NEDD9: variants seen among roughly 807,000 people sequenced by gnomAD.
NEDD9 encodes the protein enhancer of filamentation 1.
Under a neutral mutation model 76.6 loss-of-function variants are expected in NEDD9, and 26 were observed. The ratio of observed to expected loss-of-function variants is 0.34; its 90% CI spans 0.25 to 0.47. The LOEUF (loss-of-function observed/expected upper bound fraction) is 0.47, where lower values mean the gene tolerates loss of function less well. Ranked by LOEUF, NEDD9 falls within the 20% of genes least tolerant of loss-of-function variation. The pLI, the probability that NEDD9 is intolerant of heterozygous loss-of-function variation, is 1.00. For missense variants in NEDD9, 937 were observed against 1,058.5 expected, an observed-to-expected ratio of 0.89 and a Z score of 1.59; for synonymous variants, 392 against 414.2, an observed-to-expected ratio of 0.95 and a Z score of 0.65.
At chr6:11,297,132 G>GTTTTTT (rs199939249) in intron 3 of NEDD9, among the ~76,000 whole-genome samples, 1 of 129,298 alleles carries the variant, frequency 7.7e-6, no homozygotes. Context: ...AATTTGTTTT[G>GTTTTTT]TTTTTTTTTT....
intron 1 of NEDD9, among the ~76,000 whole-genome samples, chr6:11,365,657 A>G (rs1193324466): frequency 1.4e-3 from 216 of 152,350 alleles, no homozygotes; most frequent in South Asian, 2.1e-4. Context: ...ACTTAAAAAA[A>G]AGGCTTGATC....
intron 1 of NEDD9, among the ~76,000 whole-genome samples, chr6:11,225,256 T>A (rs1018185310): frequency 3.9e-5 from 6 of 152,246 alleles, no homozygotes; most frequent in African/African-American, 1.4e-4. Flanking sequence ...TAACATTTCA[T>A]GTGAGGGACA....
chr6:11,267,105 C>A (rs1760214527), intron 3 of NEDD9, among the ~76,000 whole-genome samples: 3 of 152,198 alleles, frequency 2.0e-5, no homozygotes, highest in South Asian at 4.1e-4. Flanking sequence ...TTACAAACAT[C>A]CCTCATATGA....
At position 11,188,433 on chromosome 6, in the gene NEDD9, G is replaced by A. The variant is rs1029995729; in HGVS notation, c.1906-126C>T. ...GCCTTGGCAACATCTCAAATGCCCAGTGAGGCACTGTGAACCCTAGACGAC... is the reference window on the plus strand; with the variant it reads ...GCCTTGGCAACATCTCAAATGCCCAATGAGGCACTGTGAACCCTAGACGAC... On this transcript the variant is annotated intron_variant, in intron 5 of 6. Transcript: ENST00000379446. 9 of 810,712 alleles carry A rather than the reference G, an allele frequency of 1.1e-5. No homozygotes were observed. In the South Asian group the frequency reaches 1.4e-4, roughly 12 times the overall value. 50.2% of individuals were successfully genotyped at this position (810,712 alleles called of 1,614,324 possible).
In NEDD9 at chr6:11,184,439, A is replaced by T. The variant is rs1757926410; in HGVS notation, c.*723T>A. 6.6e-6 allele frequency: 1 copy of T among 152,216 alleles called. No homozygotes were observed. The highest frequency in any genetic ancestry group is 1.5e-5 in the Non-Finnish European group (1 of 68,054). The allele number at this position is 152,216 out of a possible 1,614,324, so 9.4% of individuals were successfully genotyped here. A position where few individuals can be genotyped will look rare whatever the true frequency, so the allele number is the denominator to read the frequency against. Reference sequence around the variant, plus strand: ...GAGGCAATTGCTCTCCTTTTATTGTAGCTGTCTCTCAGTATTGAAACAACC... The same window carrying T: ...GAGGCAATTGCTCTCCTTTTATTGTTGCTGTCTCTCAGTATTGAAACAACC... On this transcript the variant is annotated 3_prime_UTR_variant, in exon 7 of 7. Coordinates refer to ENST00000379446, the MANE Select transcript of NEDD9 (RefSeq NM_006403.4).
intron 2 of NEDD9, among the ~76,000 whole-genome samples, chr6:11,329,182 C>T (rs377081158): frequency 2.0e-5 from 3 of 152,182 alleles, no homozygotes; most frequent in Non-Finnish European, 4.4e-5. Context: ...GTCAAACACC[C>T]GTGCAAGGGC....
intron 2 of NEDD9, among the ~76,000 whole-genome samples, chr6:11,203,029 T>TC (rs1380485995): frequency 6.6e-6 from 1 of 152,080 alleles, no homozygotes; most frequent in Non-Finnish European, 1.5e-5. Flanking sequence ...CCCTAGCATG[T>TC]CCCCCCTGCT....
At chr6:11,255,400 C>T (rs550831380) in intron 3 of NEDD9, among the ~76,000 whole-genome samples, 14 of 152,292 alleles carry the variant, frequency 9.2e-5, no homozygotes, top group African/African-American at 3.1e-4. Flanking sequence ...AAGAAATTCG[C>T]GTTGCCATGA....
At chr6:11,262,642 G>A (rs1262654689) in intron 3 of NEDD9, among the ~76,000 whole-genome samples, 2 of 152,204 alleles carry the variant, frequency 1.3e-5, no homozygotes, top group Non-Finnish European at 2.9e-5. Context: ...CCAGAATAGG[G>A]TTCTTAGAGA....
chr6:11,248,062 T>C (rs1759842823), intron 3 of NEDD9, among the ~76,000 whole-genome samples: 1 of 152,176 alleles, frequency 6.6e-6, no homozygotes, highest in Non-Finnish European at 1.5e-5. Flanking sequence ...AAGCTCTTCA[T>C]TTTAAAGAGT....
chr6:11,183,598 A>G lies in NEDD9; in HGVS notation c.*1564T>C, dbSNP rs1757906389. The G allele has an allele frequency of 6.6e-6, 1 of 152,224 alleles. No individual in the cohort carries two copies. Among genetic ancestry groups the G allele is most frequent in the Non-Finnish European group, 1.5e-5 (1 of 68,034 alleles). 9.4% of individuals were successfully genotyped at this position (152,224 alleles called of 1,614,324 possible). A position where few individuals can be genotyped will look rare whatever the true frequency, so the allele number is the denominator to read the frequency against. On this transcript the variant is annotated 3_prime_UTR_variant, in exon 7 of 7. Coordinates refer to ENST00000379446, the MANE Select transcript of NEDD9 (RefSeq NM_006403.4). ...GGCAGAGTAGGACTTTGAGAATTATAATAGCAGTTGTTTTGAAAAGCACCT... is the reference window on the plus strand; with the variant it reads ...GGCAGAGTAGGACTTTGAGAATTATGATAGCAGTTGTTTTGAAAAGCACCT...
chr6:11,347,892 A>G (rs1762393383), intron 1 of NEDD9, among the ~76,000 whole-genome samples: 1 of 152,212 alleles, frequency 6.6e-6, no homozygotes, highest in African/African-American at 2.4e-5. Flanking sequence ...CAAGACAAGG[A>G]TGCCCTCTCT....
At chr6:11,321,806 C>T (rs1331720146) in intron 2 of NEDD9, among the ~76,000 whole-genome samples, 3 of 152,126 alleles carry the variant, frequency 2.0e-5, no homozygotes, top group African/African-American at 7.2e-5. Flanking sequence ...GGGAGACAAA[C>T]CTTCCAGGAA....
At chr6:11,337,442 T>C (rs1175715070) in intron 1 of NEDD9, among the ~76,000 whole-genome samples, 1 of 152,214 alleles carries the variant, frequency 6.6e-6, no homozygotes, top group Non-Finnish European at 1.5e-5. Context: ...GCAGTAGTTT[T>C]GTTGACACCA....
chr6:11,306,302 A>G, intron 2 of NEDD9: 1 of 484,306 alleles, frequency 2.1e-6, no homozygotes, highest in South Asian at 2.7e-5. Context: ...CATTCATGCA[A>G]TCAAAGAAAG....
intron 3 of NEDD9, among the ~76,000 whole-genome samples, chr6:11,248,556 C>T (rs907269743): frequency 1.3e-5 from 2 of 152,238 alleles, no homozygotes; most frequent in Non-Finnish European, 2.9e-5. Context: ...ATTACATCTT[C>T]TGGTCTTGGA....
intron 3 of NEDD9, among the ~76,000 whole-genome samples, chr6:11,302,810 C>T (rs1040167514): frequency 1.3e-5 from 2 of 152,142 alleles, no homozygotes; most frequent in African/African-American, 2.4e-5. Flanking sequence ...CGATAAAATT[C>T]AACAGCGCTT....
Position 11,192,472 on chromosome 6 carries a change from A to G in NEDD9, c.562-26T>C, listed in dbSNP as rs200291838. On this transcript the variant is annotated intron_variant, in intron 3 of 6. Coordinates refer to ENST00000379446, the MANE Select transcript of NEDD9 (RefSeq NM_006403.4). ...CTGAAGAGAAACCCGTGAGTTACCCAGAATGGAAATGTCTTATACTTGGTC... is the reference window on the plus strand; with the variant it reads ...CTGAAGAGAAACCCGTGAGTTACCCGGAATGGAAATGTCTTATACTTGGTC... The G allele has an allele frequency of 1.6e-4, 241 of 1,546,150 alleles. No individual in the cohort carries two copies. In the African/African-American group the frequency reaches 2.9e-3, roughly 19 times the overall value.
In NEDD9 at chr6:11,232,634, C is replaced by T; in HGVS notation, c.-119G>A. On this transcript the variant is annotated 5_prime_UTR_variant, in exon 1 of 7. Coordinates refer to ENST00000379446, the MANE Select transcript of NEDD9 (RefSeq NM_006403.4). ...GAAAGCGAGAAGGTCCCGGGCAGAG[C>T]CGCTTGTCAGTCGCAGCGCCTCCCT... 1 of 1,580,672 alleles carries T rather than the reference C, an allele frequency of 6.3e-7. No homozygotes were observed. The highest frequency in any genetic ancestry group is 1.1e-5 in the South Asian group (1 of 88,644).
Sources: gnomAD v4.1 joint callset for allele counts (sites outside exome capture counted in the v4.1 genomes callset) on GRCh38, gnomAD v4.1.1 for gene constraint, MANE v1.5 for transcripts, NCBI Gene and HGNC (gene_info 2026-07-23, HGNC 2026-07-21) for gene names.